UBXN7: variants seen among roughly 807,000 people sequenced by gnomAD.
UBXN7 encodes UBX domain-containing protein 7.
UBXN7 carries 9 observed loss-of-function variants against 58.0 expected under a neutral mutation model. That is an observed-to-expected ratio of 0.16 (90% CI 0.09 to 0.27). UBXN7 has a LOEUF of 0.27. UBXN7 is among the 10% of genes least tolerant of loss of function. The pLI is 1.00. For synonymous variants in UBXN7, 208 were observed against 205.0 expected (o/e 1.01, Z -0.12); for missense variants, 328 against 599.6 (o/e 0.55, Z 4.73).
At chr3:196,397,166 C>T (rs1162082996) in intron 3 of UBXN7, among the ~76,000 whole-genome samples, 1 of 152,180 alleles carries the variant, frequency 6.6e-6, no homozygotes, top group East Asian at 1.9e-4. Flanking sequence ...CACAAGGAAA[C>T]ATCAGTCCTC....
chr3:196,369,960 G>T (rs1395654329), intron 6 of UBXN7, among the ~76,000 whole-genome samples: 1 of 151,788 alleles, frequency 6.6e-6, no homozygotes, highest in Non-Finnish European at 1.5e-5. Flanking sequence ...GTGAAACCCC[G>T]TCTCTACTAA....
chr3:196,392,347 CA>C (rs11406393), intron 4 of UBXN7, among the ~76,000 whole-genome samples: 108 of 141,708 alleles, frequency 7.6e-4, no homozygotes, highest in Non-Finnish European at 7.0e-4. Context: ...ACTAAAAATA[CA>C]AAAAAAAAAA....
At chr3:196,372,328 T>C (rs1159159459) in intron 5 of UBXN7, among the ~76,000 whole-genome samples, 249 of 103,934 alleles carry the variant, frequency 2.4e-3, no homozygotes, top group African/African-American at 7.1e-3. Context: ...CTCTCTCTCC[T>C]TTCTTTCTTT....
chr3:196,394,466 G>T (rs1435719318), intron 3 of UBXN7, among the ~76,000 whole-genome samples: 3 of 151,484 alleles, frequency 2.0e-5, no homozygotes, highest in African/African-American at 7.3e-5. Flanking sequence ...AGCCAGGTGT[G>T]GTGGCACGCA....
chr3:196,431,046 G>C (rs1200595360), intron 1 of UBXN7, among the ~76,000 whole-genome samples: 1 of 151,990 alleles, frequency 6.6e-6, no homozygotes, highest in African/African-American at 2.4e-5. Context: ...CGTTATCATT[G>C]CAAAGCAAAA....
intron 5 of UBXN7, among the ~76,000 whole-genome samples, chr3:196,386,472 G>A (rs555557216): frequency 3.8e-4 from 57 of 148,500 alleles, no homozygotes; most frequent in Non-Finnish European, 6.2e-4. Context: ...AAACCCCATC[G>A]TCTCAGCCCA....
At position 196,432,382 on chromosome 3, in the gene UBXN7, G is replaced by C; in HGVS notation, c.18C>G (p.Gly6=). Residue 6 remains glycine, a synonymous_variant, in exon 1 of 11, where the codon GGC becomes GGG. Transcript: ENST00000296328. Reference sequence around the variant, plus strand: ...CCTTCAGCGCCGAGGACGCCGCGGAGCCCCCGTGGGCAGCCATCTTACCGC... The same window carrying C: ...CCTTCAGCGCCGAGGACGCCGCGGACCCCCCGTGGGCAGCCATCTTACCGC... MAAHG[G]SAASSALKGL... is the part of the protein sequence containing the mutation. 6.3e-7 allele frequency: 1 copy of C among 1,593,730 alleles called. No individual in the cohort carries two copies. Among genetic ancestry groups the C allele is most frequent in the Non-Finnish European group, 8.6e-7 (1 of 1,166,062 alleles).
In UBXN7 at chr3:196,362,321, C is replaced by T. The variant is rs1230855105; in HGVS notation, c.1201G>A (p.Gly401Arg). 2 of 1,610,840 alleles carry T rather than the reference C, an allele frequency of 1.2e-6. No individual in the cohort carries two copies. Among genetic ancestry groups the T allele is most frequent in the Non-Finnish European group, 1.7e-6 (2 of 1,178,918 alleles). Residue 401 changes from glycine to arginine, a missense_variant, in exon 9 of 11, where the codon GGA becomes AGA. Gly to Arg is a moderately radical substitution (Grantham distance 125). Around this residue, in one of 4 missense-constraint regions of UBXN7, gnomAD observed 66 missense variants for 77.9 expected, o/e 0.85. Coordinates refer to ENST00000296328, the MANE Select transcript of UBXN7 (RefSeq NM_015562.2). ...TTTACATCTATCCCCTCCACTACTC[C>T]ATCTGCTTTTTCAGGTGGCATCTCC... ...ILEMPPEKAD[G>R]VVEGIDVNGP... is the part of the protein sequence containing the mutation.
At chr3:196,394,134 A>G (rs1398778370) in intron 3 of UBXN7, among the ~76,000 whole-genome samples, 1 of 151,820 alleles carries the variant, frequency 6.6e-6, no homozygotes, top group African/African-American at 2.4e-5. Flanking sequence ...ACTAAATACA[A>G]AAAATTAGCC....
chr3:196,406,675 A>T (rs1219895321), intron 2 of UBXN7, among the ~76,000 whole-genome samples: 3 of 150,496 alleles, frequency 2.0e-5, no homozygotes, highest in Non-Finnish European at 1.5e-5. Flanking sequence ...CGACCTCCTG[A>T]CCTCGTGATC....
intron 3 of UBXN7, chr3:196,393,828 A>C: frequency 5.3e-6 from 2 of 376,984 alleles, no homozygotes; most frequent in Non-Finnish European, 9.9e-6. Flanking sequence ...TTCTTGTTTT[A>C]AAACACTCAA....
chr3:196,412,396 C>T (rs538765348), intron 1 of UBXN7, among the ~76,000 whole-genome samples: 9 of 151,828 alleles, frequency 5.9e-5, no homozygotes, highest in African/African-American at 1.9e-4. Context: ...CCAGCTTATA[C>T]CCATTAAAAA....
At chr3:196,383,451 A>T (rs557804003) in intron 5 of UBXN7, among the ~76,000 whole-genome samples, 17 of 152,324 alleles carry the variant, frequency 1.1e-4, no homozygotes, top group African/African-American at 3.6e-4. Context: ...AGCAGACCTA[A>T]TAGACATCTA....
rs1022950889 is a variant in UBXN7 at position 196,407,232 on chromosome 3, T to C, written c.221+14A>G. The C allele has an allele frequency of 6.8e-6, 11 of 1,612,616 alleles. No homozygotes were observed. In the Admixed American group the frequency reaches 1.0e-4, roughly 15 times the overall value. On this transcript the variant is annotated intron_variant, in intron 2 of 10. Coordinates refer to ENST00000296328, the MANE Select transcript of UBXN7 (RefSeq NM_015562.2). ...GCAATGGATAGCTCCTGACAACACATAATAAATTCATACTCTGTGTGTGGT... is the reference window on the plus strand; with the variant it reads ...GCAATGGATAGCTCCTGACAACACACAATAAATTCATACTCTGTGTGTGGT...
intron 5 of UBXN7, among the ~76,000 whole-genome samples, chr3:196,388,831 C>T (rs112555435): frequency 6.6e-6 from 1 of 151,916 alleles, no homozygotes; most frequent in Non-Finnish European, 1.5e-5. Context: ...AAAACTAATA[C>T]ATGTATCATT....
At chr3:196,359,726 G>A (rs1728454569) in intron 10 of UBXN7, among the ~76,000 whole-genome samples, 1 of 152,092 alleles carries the variant, frequency 6.6e-6, no homozygotes, top group South Asian at 2.1e-4. Flanking sequence ...CCAACATGGT[G>A]AAACCCCATC....
At chr3:196,415,060 A>G (rs965377933) in intron 1 of UBXN7, among the ~76,000 whole-genome samples, 1 of 151,916 alleles carries the variant, frequency 6.6e-6, no homozygotes, top group South Asian at 2.1e-4. Context: ...ATATGCTACC[A>G]TATTCTTACT....
At chr3:196,427,468 C>T (rs764249469) in intron 1 of UBXN7, among the ~76,000 whole-genome samples, 8 of 152,194 alleles carry the variant, frequency 5.3e-5, no homozygotes, top group South Asian at 2.1e-4. Context: ...CAGGCGTGCA[C>T]CACCATGCTC....
At chr3:196,428,496 T>C (rs1273267792) in intron 1 of UBXN7, among the ~76,000 whole-genome samples, 1 of 151,760 alleles carries the variant, frequency 6.6e-6, no homozygotes, top group Non-Finnish European at 1.5e-5. Context: ...GTATATACTA[T>C]GATCCACAAT....
Sources: gnomAD v4.1 joint callset for allele counts (sites outside exome capture counted in the v4.1 genomes callset) on GRCh38, gnomAD v4.1.1 for gene constraint, gnomAD v4.1.1 regional missense constraint, MANE v1.5 for transcripts, NCBI Gene and HGNC (gene_info 2026-07-23, HGNC 2026-07-21) for gene names.